S1PR2: variants seen among roughly 807,000 people sequenced by gnomAD.
The protein encoded by S1PR2 is sphingosine 1-phosphate receptor 2.
A neutral mutation model predicts 16.1 loss-of-function variants in S1PR2; 9 were observed. The observed-to-expected ratio is 0.56, with a 90% CI of 0.34 to 0.98. The LOEUF (loss-of-function observed/expected upper bound fraction) is 0.98, where lower values mean the gene tolerates loss of function less well. S1PR2 is among the 50% of genes least tolerant of loss of function. S1PR2 has a pLI of 0.02. For synonymous variants in S1PR2, 224 were observed against 233.9 expected, an observed-to-expected ratio of 0.96 and a Z score of 0.38; for missense variants, 361 against 488.4, an observed-to-expected ratio of 0.74 and a Z score of 2.46.
intron 1 of S1PR2, among the ~76,000 whole-genome samples, chr19:10,225,325 T>G (rs1180780604): frequency 2.0e-5 from 3 of 151,220 alleles, no homozygotes. Flanking sequence ...TGGGCTCAAG[T>G]GATCCTCCCA....
chr19:10,227,161 G>T (rs1241703345), intron 1 of S1PR2, among the ~76,000 whole-genome samples: 1 of 151,974 alleles, frequency 6.6e-6, no homozygotes, highest in South Asian at 2.1e-4. Context: ...GAAGGGAGAG[G>T]AAGTTCCAGC....
Position 10,222,751 on chromosome 19 carries a change from C to T in S1PR2, c.*1093G>A, listed in dbSNP as rs919301316. ...GGATGGTCAGAGAGGAGGCCTCTAG[C>T]TCCTCAGGACAGTGGTTCTGTAGTC... is the stretch of plus-strand genomic sequence containing the variant. On this transcript the variant is annotated 3_prime_UTR_variant, in exon 2 of 2. Coordinates refer to ENST00000646641, the MANE Select transcript of S1PR2 (RefSeq NM_004230.4). 4 of 152,290 alleles carry T rather than the reference C, an allele frequency of 2.6e-5. No homozygotes were observed. The highest frequency in any genetic ancestry group is 2.4e-5 in the African/African-American group (1 of 41,426). 9.4% of individuals were successfully genotyped at this position (152,290 alleles called of 1,614,324 possible).
rs2039598828 is a variant in S1PR2, at chr19:10,222,386, T to C, written c.*1458A>G. On this transcript the variant is annotated 3_prime_UTR_variant, in exon 2 of 2. Transcript: ENST00000646641. ...GCCTTGCTCAGGAGACCTGGTACCT[T>C]AGCTGGGGCTGCAGGTGTGGAGCTG... 1 of 152,300 alleles carries C rather than the reference T, an allele frequency of 6.6e-6. No individual in the cohort carries two copies. Among genetic ancestry groups the C allele is most frequent in the South Asian group, 2.1e-4 (1 of 4,834 alleles). 9.4% of individuals were successfully genotyped at this position (152,300 alleles called of 1,614,324 possible). A position where few individuals can be genotyped will look rare whatever the true frequency, so the allele number is the denominator to read the frequency against.
chr19:10,225,091 C>A, intron 1 of S1PR2, 144 bp from the exon 2 acceptor site: 1 of 591,110 alleles, frequency 1.7e-6, no homozygotes, highest in Non-Finnish European at 3.0e-6. Context: ...TCATCATCAT[C>A]CCCACTTACA....
chr19:10,225,033 AATTTCCTGCTC>A, intron 1 of S1PR2, 86 bp from the exon 2 acceptor site: 1 of 690,030 alleles, frequency 1.4e-6, no homozygotes, highest in Non-Finnish European at 2.4e-6. Context: ...GCTGAGATTC[AATTTCCTGCTC>A]TGTTACTCTT....
chr19:10,223,724 C>T lies in S1PR2; in HGVS notation c.*120G>A. On this transcript the variant is annotated 3_prime_UTR_variant, in exon 2 of 2. Transcript: ENST00000646641. Reference sequence around the variant, plus strand: ...TCCAGGTGTGAAATATTTGCAACATCACCCAGGTCTGTGGGGCGGGGGCAT... The same window carrying T: ...TCCAGGTGTGAAATATTTGCAACATTACCCAGGTCTGTGGGGCGGGGGCAT... The T allele has an allele frequency of 1.1e-6, 1 of 914,260 alleles. No homozygotes were observed. The highest frequency in any genetic ancestry group is 1.6e-6 in the Non-Finnish European group (1 of 612,590). 56.6% of individuals were successfully genotyped at this position (914,260 alleles called of 1,614,324 possible). A position where few individuals can be genotyped will look rare whatever the true frequency, so the allele number is the denominator to read the frequency against.
chr19:10,230,696 G>C (rs2145447305), intron 1 of S1PR2, among the ~76,000 whole-genome samples: 2 of 152,330 alleles, frequency 1.3e-5, no homozygotes, highest in South Asian at 2.1e-4. Context: ...ACAAAACAAA[G>C]CCACGCCCCC....
At chr19:10,228,138 CAAAAAAAAAA>C (rs141807915) in intron 1 of S1PR2, among the ~76,000 whole-genome samples, 17 of 97,646 alleles carry the variant, frequency 1.7e-4, no homozygotes, top group East Asian at 1.1e-3. Flanking sequence ...CCCCTCTACT[CAAAAAAAAAA>C]AAAAAAAAAA....
intron 1 of S1PR2, chr19:10,230,575 G>C (rs2145447088): frequency 6.5e-6 from 1 of 154,186 alleles, no homozygotes; most frequent in African/African-American, 2.4e-5. Flanking sequence ...CGCTCCGCCC[G>C]GCTCGGGGCC....
intron 1 of S1PR2, 140 bp downstream of exon 1, chr19:10,231,064 T>C (rs2039674150): frequency 6.6e-6 from 1 of 152,408 alleles, no homozygotes; most frequent in Admixed American, 6.5e-5. Context: ...GGGCGCACTG[T>C]GACCACCCGC....
chr19:10,223,947 G>T lies in S1PR2; in HGVS notation c.959C>A (p.Thr320Asn). 2 of 1,604,090 alleles carry T rather than the reference G, an allele frequency of 1.2e-6. No homozygotes were observed. The highest frequency in any genetic ancestry group is 2.2e-5 in the East Asian group (1 of 44,710). ...VGVQGRRRGGTPGHHLLPLRS... is the reference protein window; with the variant it reads ...VGVQGRRRGGNPGHHLLPLRS... ...GAGTGGCAGGAGGTGGTGGCCCGGG[G>T]TCCCGCCCCGCCTCCGTCCTTGCAC... Residue 320 changes from threonine (T) to asparagine (N), a missense_variant, in exon 2 of 2, where the codon ACC (threonine) becomes AAC (asparagine). Coordinates refer to ENST00000646641, the MANE Select transcript of S1PR2 (RefSeq NM_004230.4).
intron 1 of S1PR2, among the ~76,000 whole-genome samples, chr19:10,226,453 G>T (rs959730964): frequency 2.0e-5 from 3 of 152,216 alleles, no homozygotes; most frequent in Admixed American, 2.0e-4. Flanking sequence ...TCATGGGGGT[G>T]ATGGGAAAAT....
At chr19:10,230,807 TCCACGGCGC>T (rs2145447472) in intron 1 of S1PR2, among the ~76,000 whole-genome samples, 1 of 152,272 alleles carries the variant, frequency 6.6e-6, no homozygotes, top group South Asian at 2.1e-4. Flanking sequence ...GCTTGGAGGC[TCCACGGCGC>T]GCACATCCTT....
chr19:10,228,172 C>T (rs1434026289), intron 1 of S1PR2, among the ~76,000 whole-genome samples: 1 of 148,312 alleles, frequency 6.7e-6, no homozygotes, highest in Non-Finnish European at 1.5e-5. Context: ...ATTAGCCGGG[C>T]ATGGTGGTGT....
Position 10,224,213 on chromosome 19 carries a change from C to A in S1PR2, c.693G>T (p.Leu231=). 3 of 1,612,928 alleles carry A rather than the reference C, an allele frequency of 1.9e-6. No individual in the cohort carries two copies. The highest frequency in any genetic ancestry group is 2.5e-6 in the Non-Finnish European group (3 of 1,180,028). The change falls in exon 2 of 2, where the codon CTG becomes CTT. Residue 231 remains leucine (L), a synonymous_variant. Transcript: ENST00000646641. ...CTAGCACGATGGTGACCGTCTTGAG[C>A]AGGGCTAGCGTCTGCGGGGCGGCCA... ...ADMAAPQTLA[L]LKTVTIVLGV...
At chr19:10,226,921 A>AC (rs138133495) in intron 1 of S1PR2, among the ~76,000 whole-genome samples, 27,524 of 139,554 alleles carry the variant, frequency 0.2, 2,931 homozygotes, top group Admixed American at 0.27. Context: ...AACCTGAGTC[A>AC]CCCCCCCAAC....
At position 10,221,462 on chromosome 19, in the gene S1PR2, G is replaced by A. The variant is rs931508308; in HGVS notation, c.*2382C>T. ...GAAATTGAACCGTTTATTAGCCTAG[G>A]TCTGGGTTTCAGGCATTGCGGAGGC... is the stretch of plus-strand genomic sequence containing the variant. On this transcript the variant is annotated 3_prime_UTR_variant, in exon 2 of 2. Coordinates refer to ENST00000646641, the MANE Select transcript of S1PR2 (RefSeq NM_004230.4). 1 of 152,402 alleles carries A rather than the reference G, an allele frequency of 6.6e-6. No individual in the cohort carries two copies. Among genetic ancestry groups the A allele is most frequent in the African/African-American group, 2.4e-5 (1 of 41,456 alleles). 9.4% of individuals were successfully genotyped at this position (152,402 alleles called of 1,614,324 possible).
chr19:10,230,297 C>CG (rs2039663887), intron 1 of S1PR2: 2 of 153,264 alleles, frequency 1.3e-5, no homozygotes, highest in Non-Finnish European at 1.5e-5. Context: ...GCCACACGCG[C>CG]GGGGCCCCCA....
Position 10,224,843 on chromosome 19 carries a change from G to A in S1PR2, c.63C>T (p.Thr21=), listed in dbSNP as rs2039621786. Residue 21 remains threonine (T), a synonymous_variant, in exon 2 of 2, where the codon ACC becomes ACT. Coordinates refer to ENST00000646641, the MANE Select transcript of S1PR2 (RefSeq NM_004230.4). ...TCTCCTGCGTTTCCAGCGTCTCCTT[G>A]GTATAATTATAGTGTTCCTGGACCT... ...PNKVQEHYNY[T]KETLETQETT... 6.2e-7 allele frequency: 1 copy of A among 1,614,110 alleles called. No homozygotes were observed. Among genetic ancestry groups the A allele is most frequent in the African/African-American group, 1.3e-5 (1 of 75,058 alleles).
Sources: gnomAD v4.1 joint callset for allele counts (sites outside exome capture counted in the v4.1 genomes callset) on GRCh38, gnomAD v4.1.1 for gene constraint, MANE v1.5 for transcripts, NCBI Gene and HGNC (gene_info 2026-07-23, HGNC 2026-07-21) for gene names.